PLEKHA7: variants seen among roughly 807,000 people sequenced by gnomAD.
PLEKHA7 encodes the protein pleckstrin homology domain-containing family A member 7.
Under a neutral mutation model 170.0 loss-of-function variants are expected in PLEKHA7, and 104 were observed. That is an observed-to-expected ratio of 0.61 (90% CI 0.52 to 0.72). The LOEUF (loss-of-function observed/expected upper bound fraction) is 0.72, where lower values mean the gene tolerates loss of function less well. PLEKHA7 is among the 30% of genes least tolerant of loss of function. The probability of loss-of-function intolerance (pLI) is 0.00; values close to 1 mark genes in which losing one functional copy is unlikely to be tolerated. For synonymous variants in PLEKHA7, 648 were observed against 660.8 expected (o/e 0.98, Z 0.30); for missense variants, 1,615 against 1,671.7 (o/e 0.97, Z 0.59).
intron 3 of PLEKHA7, among the ~76,000 whole-genome samples, chr11:16,921,501 T>C (rs1033505947): frequency 2.0e-5 from 3 of 152,204 alleles, no homozygotes; most frequent in Non-Finnish European, 4.4e-5. Flanking sequence ...GATATTAGAA[T>C]AGGTCAGTGG....
At chr11:16,900,241 G>A (rs1381166358) in intron 3 of PLEKHA7, among the ~76,000 whole-genome samples, 1 of 152,140 alleles carries the variant, frequency 6.6e-6, no homozygotes, top group African/African-American at 2.4e-5. Flanking sequence ...TACTCTGATT[G>A]CATGGCAGCA....
chr11:16,992,758 A>G (rs1590805774), intron 3 of PLEKHA7, among the ~76,000 whole-genome samples: 1 of 56,266 alleles, frequency 1.8e-5, no homozygotes. Context: ...TCTATCTCAA[A>G]AAAAAAAAAA....
intron 3 of PLEKHA7, among the ~76,000 whole-genome samples, chr11:16,885,846 A>T (rs1856056579): frequency 1.3e-5 from 2 of 151,752 alleles, no homozygotes; most frequent in Non-Finnish European, 2.9e-5. Context: ...ATACAAAAAA[A>T]ATTAGCCAGG....
chr11:16,980,298 G>A (rs570037550), intron 3 of PLEKHA7, among the ~76,000 whole-genome samples: 6 of 152,296 alleles, frequency 3.9e-5, no homozygotes, highest in South Asian at 2.1e-4. Flanking sequence ...CGTATGAGAC[G>A]GGCACTAGTC....
Position 16,817,049 on chromosome 11 carries a change from C to G in PLEKHA7, c.1617G>C (p.Ala539=), listed in dbSNP as rs199887803. The G allele has an allele frequency of 6.2e-7, 1 of 1,608,432 alleles. No individual in the cohort carries two copies. Among genetic ancestry groups the G allele is most frequent in the Non-Finnish European group, 8.5e-7 (1 of 1,176,990 alleles). The change falls in exon 11 of 27, where the codon GCG becomes GCC. Residue 539 remains alanine (A), a synonymous_variant. Transcript: ENST00000531066. The surrounding 1 kb of genome is among the most constrained non-coding windows in gnomAD (Gnocchi z 4.4). The stretch of plus-strand genomic sequence containing the variant: ...ACTCTGGGGAGCCAAGGCAGATGGG[C>G]GCTGTGGGGCTGCCGTGCCGGAACT... The part of the protein sequence containing the change: ...RQQFRHGSPT[A]PICLGSPEFT...
At chr11:16,920,864 CT>C (rs758020594) in intron 3 of PLEKHA7, among the ~76,000 whole-genome samples, 2 of 152,234 alleles carry the variant, frequency 1.3e-5, no homozygotes, top group African/African-American at 4.8e-5. Flanking sequence ...TGGTATCTCA[CT>C]TTTTATTCCA....
rs551434680 is a variant in PLEKHA7, at chr11:16,927,097, G to A, written c.222-55915C>T. 2.7e-3 allele frequency among the ~76,000 whole-genome samples: 405 copies of A among 152,214 alleles called. 2 individuals carry two copies. The highest frequency in any genetic ancestry group is 4.3e-3 in the Admixed American group (65 of 15,292). On this transcript the variant is annotated intron_variant, in intron 3 of 26. Transcript: ENST00000531066. Reference sequence around the variant, plus strand: ...CTGAGGCGGGGGTGGGGGCAGGGAGGGAATGGCTTGAGCCCAGGAATTTGA... The same window carrying A: ...CTGAGGCGGGGGTGGGGGCAGGGAGAGAATGGCTTGAGCCCAGGAATTTGA...
At position 16,927,006 on chromosome 11, in the gene PLEKHA7, C is replaced by G. The variant is rs1271579093; in HGVS notation, c.222-55824G>C. 2.0e-5 allele frequency among the ~76,000 whole-genome samples: 3 copies of G among 148,784 alleles called. No homozygotes were observed. In the Admixed American group the frequency reaches 2.0e-4, roughly 10 times the overall value. On this transcript the variant is annotated intron_variant, in intron 3 of 26. Transcript: ENST00000531066. ...CTTCCACTCTCTGGTATCAGTGTCT[C>G]TATCTAAAATAAGAGGTTGGGTCAG...
chr11:17,001,802 C>T (rs1362142598), intron 3 of PLEKHA7, among the ~76,000 whole-genome samples: 1 of 151,002 alleles, frequency 6.6e-6, no homozygotes, highest in Admixed American at 6.6e-5. Flanking sequence ...ACACTAACTC[C>T]AAGCTACAAG....
At chr11:17,013,422 C>G (rs1865439544) in intron 3 of PLEKHA7, 1 of 152,868 alleles carries the variant, frequency 6.5e-6, no homozygotes, top group Non-Finnish European at 1.5e-5. Context: ...TTGACCAGTT[C>G]CCTTCCCCAC....
intron 3 of PLEKHA7, among the ~76,000 whole-genome samples, chr11:16,948,721 G>A (rs1269280356): frequency 6.6e-6 from 1 of 152,150 alleles, no homozygotes; most frequent in Non-Finnish European, 1.5e-5. Flanking sequence ...TGGAGAAGAT[G>A]AAAAGCACAG....
At chr11:16,890,022 C>G (rs1856510099) in intron 3 of PLEKHA7, among the ~76,000 whole-genome samples, 1 of 152,040 alleles carries the variant, frequency 6.6e-6, no homozygotes. Flanking sequence ...GAAAAAAATG[C>G]CAGCCAAGAA....
At chr11:16,898,427 G>A (rs1014964020) in intron 3 of PLEKHA7, among the ~76,000 whole-genome samples, 24 of 152,180 alleles carry the variant, frequency 1.6e-4, no homozygotes, top group Admixed American at 9.2e-4. Flanking sequence ...GAGCAGATCT[G>A]GACTTGAATA....
intron 10 of PLEKHA7, among the ~76,000 whole-genome samples, chr11:16,821,901 A>G (rs1850244024): frequency 6.6e-6 from 1 of 152,058 alleles, no homozygotes; most frequent in East Asian, 1.9e-4. Context: ...CTGGAATGAA[A>G]TTCCTCTCAC....
intron 3 of PLEKHA7, among the ~76,000 whole-genome samples, chr11:16,997,683 TG>T (rs1209788663): frequency 6.6e-6 from 1 of 152,114 alleles, no homozygotes; most frequent in African/African-American, 2.4e-5. Context: ...CTGCAACACC[TG>T]GGGGCTTCTC....
At chr11:16,840,106 T>C (rs1169963093) in intron 9 of PLEKHA7, among the ~76,000 whole-genome samples, 5 of 152,104 alleles carry the variant, frequency 3.3e-5, no homozygotes, top group African/African-American at 1.2e-4. Flanking sequence ...AGAGCCAAAA[T>C]TGACGTAGTT....
At chr11:16,901,643 A>T (rs927289528) in intron 3 of PLEKHA7, among the ~76,000 whole-genome samples, 1 of 152,192 alleles carries the variant, frequency 6.6e-6, no homozygotes, top group Non-Finnish European at 1.5e-5. Flanking sequence ...CCAAGGCCGG[A>T]AGATAGCTTG....
chr11:16,829,856 TC>T (rs1564976100), intron 9 of PLEKHA7, among the ~76,000 whole-genome samples: 1,561 of 152,152 alleles, frequency 0.01, 27 homozygotes, highest in African/African-American at 0.036. Context: ...GTTTCTTTTT[TC>T]TTTTTTCTTT....
chr11:16,793,145 G>A lies in PLEKHA7; in HGVS notation c.2745+1343C>T, dbSNP rs191870132. On this transcript the variant is annotated intron_variant, in intron 19 of 26. Transcript: ENST00000531066. Reference sequence around the variant, plus strand: ...AAATGAGGAGGCTCAGGGAAGGGACGGACTTGCCTGAGGACACAGTGAGAG... The same window carrying A: ...AAATGAGGAGGCTCAGGGAAGGGACAGACTTGCCTGAGGACACAGTGAGAG... 9.1e-4 allele frequency among the ~76,000 whole-genome samples: 138 copies of A among 152,330 alleles called. 1 individual carries two copies. The highest frequency in any genetic ancestry group is 1.5e-3 in the Non-Finnish European group (101 of 68,032).
Sources: allele counts gnomAD v4.1 joint callset (sites outside exome capture counted in the v4.1 genomes callset), GRCh38; gene constraint gnomAD v4.1.1; non-coding constraint Gnocchi (gnomAD v3.1); transcripts MANE v1.5; gene names NCBI Gene and HGNC (gene_info 2026-07-23, HGNC 2026-07-21).